Variants in DAGLB observed in about 807,000 individuals in gnomAD.
DAGLB encodes the protein diacylglycerol lipase beta, also known as diacylglycerol lipase-beta.
Under a neutral mutation model 72.1 loss-of-function variants are expected in DAGLB, and 66 were observed. The ratio of observed to expected loss-of-function variants is 0.92; its 90% CI spans 0.75 to 1.12. The LOEUF is 1.12. Among genes scored for constraint, DAGLB ranks in the 50% most tolerant of loss-of-function variants. The probability of loss-of-function intolerance (pLI) is 0.00; values close to 1 mark genes in which losing one functional copy is unlikely to be tolerated. For synonymous variants in DAGLB, 414 were observed against 359.5 expected, an observed-to-expected ratio of 1.15 and a Z score of -1.71; for missense variants, 1,065 against 884.9, an observed-to-expected ratio of 1.20 and a Z score of -2.58.
At chr7:6,410,526 G>T (rs1213601251) in intron 13 of DAGLB, 146 bp from the exon 14 acceptor site, 8 of 1,262,212 alleles carry the variant, frequency 6.3e-6, no homozygotes, top group Non-Finnish European at 6.4e-6. Flanking sequence ...ATGCACCGGC[G>T]AGCTGTGCTG....
chr7:6,427,260 A>C (rs1030842806), intron 6 of DAGLB, among the ~76,000 whole-genome samples: 116 of 152,196 alleles, frequency 7.6e-4, no homozygotes, highest in African/African-American at 2.6e-3. Flanking sequence ...GGGACTGAGC[A>C]TGGGTAACTC....
At chr7:6,440,983 G>A (rs1583302104) in intron 2 of DAGLB, among the ~76,000 whole-genome samples, 2 of 151,924 alleles carry the variant, frequency 1.3e-5, no homozygotes, top group East Asian at 1.9e-4. Context: ...AGGGGGGGAC[G>A]GAGTTTCCCT....
rs571960695 is a variant in DAGLB at position 6,427,622 on chromosome 7, T to C, written c.930-1508A>G. On this transcript the variant is annotated intron_variant, in intron 6 of 14. Transcript: ENST00000297056. The stretch of plus-strand genomic sequence containing the variant: ...AAAAGATATTAGTAAAATCTCATGA[T>C]CTTTAAAATAAATACATAGGCGTGG... Among the ~76,000 whole-genome samples the C allele has an allele frequency of 3.3e-5, 5 of 152,226 alleles. No homozygotes were observed. In the South Asian group the frequency reaches 1.0e-3, roughly 32 times the overall value.
Position 6,410,024 on chromosome 7 carries a change from C to G in DAGLB, c.1832G>C (p.Cys611Ser). The change falls in exon 15 of 15, where the codon TGC becomes TCC. Residue 611 changes from cysteine (C) to serine (S), a missense_variant. Coordinates refer to ENST00000297056, the MANE Select transcript of DAGLB (RefSeq NM_139179.4). ...EEGASGRFGC[C>S]SAAHYSAKWS... ...CTTGGCGCTATAGTGAGCAGCAGAG[C>G]AGCAGCCAAACCTGAAGCAGAAAAG... is the stretch of plus-strand genomic sequence containing the variant. 1 of 1,613,228 alleles carries G rather than the reference C, an allele frequency of 6.2e-7. No homozygotes were observed. Among genetic ancestry groups the G allele is most frequent in the East Asian group, 2.2e-5 (1 of 44,874 alleles).
At chr7:6,442,121 G>A (rs1186284455) in intron 2 of DAGLB, among the ~76,000 whole-genome samples, 2 of 152,120 alleles carry the variant, frequency 1.3e-5, no homozygotes, top group Non-Finnish European at 2.9e-5. Flanking sequence ...GACTCTCACT[G>A]GGCCAAACTG....
intron 9 of DAGLB, among the ~76,000 whole-genome samples, chr7:6,418,014 G>A (rs1442013075): frequency 1.3e-5 from 2 of 151,950 alleles, no homozygotes; most frequent in African/African-American, 4.8e-5. Context: ...GGGATTACAG[G>A]CATGCGCCAT....
At position 6,409,694 on chromosome 7, in the gene DAGLB, G is replaced by C. The variant is rs1783651911; in HGVS notation, c.*143C>G. The C allele has an allele frequency of 3.1e-6, 3 of 981,896 alleles. No homozygotes were observed. Among genetic ancestry groups the C allele is most frequent in the Admixed American group, 5.6e-5 (2 of 35,838 alleles). The allele number at this position is 981,896 out of a possible 1,614,324, so 60.8% of individuals were successfully genotyped here. A position where few individuals can be genotyped will look rare whatever the true frequency, so the allele number is the denominator to read the frequency against. ...TGACTTCCCATAAACTTAAGTCATT[G>C]AGACCATGGAATTCTGTTCCCATCC... On this transcript the variant is annotated 3_prime_UTR_variant, in exon 15 of 15. Transcript: ENST00000297056.
At chr7:6,439,146 T>G (rs918501720) in intron 2 of DAGLB, among the ~76,000 whole-genome samples, 1 of 151,556 alleles carries the variant, frequency 6.6e-6, no homozygotes, top group African/African-American at 2.4e-5. Flanking sequence ...TCCCAGCTAC[T>G]CAGGAAGCTG....
At chr7:6,419,675 C>T (rs1198721826) in intron 9 of DAGLB, among the ~76,000 whole-genome samples, 2 of 152,208 alleles carry the variant, frequency 1.3e-5, no homozygotes, top group South Asian at 4.1e-4. Flanking sequence ...CCAGCCAAGC[C>T]GCGGATCCTC....
rs186823647 is a variant in DAGLB at position 6,429,919 on chromosome 7, C to T, written c.929+561G>A. Among the ~76,000 whole-genome samples, 1,070 of 152,120 alleles carry T rather than the reference C, an allele frequency of 7.0e-3. 8 individuals are homozygous for T. The highest frequency in any genetic ancestry group is 0.014 in the African/African-American group (571 of 41,512). On this transcript the variant is annotated intron_variant, in intron 6 of 14. Transcript: ENST00000297056. ...ATTAGCCAGCAGTGGTGGCGGGCGC[C>T]TGTAGTCCCAGTTACTCGGGAGGCT...
chr7:6,437,782 G>C (rs1441577283), intron 2 of DAGLB, among the ~76,000 whole-genome samples: 1 of 152,066 alleles, frequency 6.6e-6, no homozygotes, highest in Non-Finnish European at 1.5e-5. Flanking sequence ...CCTAGTAGCT[G>C]GGATTAGAGG....
intron 13 of DAGLB, 117 bp from the exon 14 acceptor site, chr7:6,410,497 T>A (rs836561): frequency 7.0e-7 from 1 of 1,437,088 alleles, no homozygotes; most frequent in Non-Finnish European, 9.3e-7. Context: ...GAAACCCCGC[T>A]TGGAAGACTC....
intron 1 of DAGLB, 122 bp from the exon 2 acceptor site, chr7:6,446,226 T>A: frequency 1.0e-6 from 1 of 984,052 alleles, no homozygotes; most frequent in Non-Finnish European, 1.4e-6. Context: ...CACAGCACTT[T>A]GGGAGGGTGA....
intron 6 of DAGLB, among the ~76,000 whole-genome samples, chr7:6,430,022 C>A (rs796264628): frequency 5.3e-5 from 8 of 151,190 alleles, no homozygotes; most frequent in African/African-American, 1.9e-4. Context: ...CCAGCCTGGG[C>A]AACAGAGTGA....
chr7:6,423,843 T>C (rs1488733047), intron 8 of DAGLB, among the ~76,000 whole-genome samples: 1 of 152,112 alleles, frequency 6.6e-6, no homozygotes, highest in African/African-American at 2.4e-5. Flanking sequence ...CACCTTGGCC[T>C]CCCAAAGTGC....
chr7:6,444,470 C>T (rs964605753), intron 2 of DAGLB, among the ~76,000 whole-genome samples: 1 of 151,900 alleles, frequency 6.6e-6, no homozygotes, highest in Non-Finnish European at 1.5e-5. Flanking sequence ...GGCGTGGTAG[C>T]GGGTGCCTGT....
chr7:6,434,214 T>C (rs995298609), intron 4 of DAGLB, among the ~76,000 whole-genome samples: 1 of 148,108 alleles, frequency 6.8e-6, no homozygotes, highest in South Asian at 2.2e-4. Context: ...GAATGTCATA[T>C]AAAAAGATGA....
chr7:6,409,749 G>T lies in DAGLB; in HGVS notation c.*88C>A. 1 of 1,417,556 alleles carries T rather than the reference G, an allele frequency of 7.1e-7. No individual in the cohort carries two copies. Among genetic ancestry groups the T allele is most frequent in the Non-Finnish European group, 9.6e-7 (1 of 1,045,546 alleles). 87.8% of individuals were successfully genotyped at this position (1,417,556 alleles called of 1,614,324 possible). A position where few individuals can be genotyped will look rare whatever the true frequency, so the allele number is the denominator to read the frequency against. On this transcript the variant is annotated 3_prime_UTR_variant, in exon 15 of 15. Coordinates refer to ENST00000297056, the MANE Select transcript of DAGLB (RefSeq NM_139179.4). ...CCTGTTGATGGACATTCGCTGTTTT[G>T]GCGTCATGGGAACTCCTCGGATGGT...
At chr7:6,421,208 T>C (rs1372116658) in intron 9 of DAGLB, among the ~76,000 whole-genome samples, 1 of 152,238 alleles carries the variant, frequency 6.6e-6, no homozygotes, top group Non-Finnish European at 1.5e-5. Context: ...CTTATTCCAG[T>C]AGCCACGCGA....
Sources: gnomAD v4.1 joint callset for allele counts (sites outside exome capture counted in the v4.1 genomes callset) on GRCh38, gnomAD v4.1.1 for gene constraint, MANE v1.5 for transcripts, NCBI Gene and HGNC (gene_info 2026-07-23, HGNC 2026-07-21) for gene names.